SALL4: variants seen among roughly 807,000 people sequenced by gnomAD.
SALL4 encodes the protein sal-like protein 4.
A neutral mutation model predicts 60.8 loss-of-function variants in SALL4; 4 were observed. The observed-to-expected ratio is 0.07, with a 90% CI of 0.03 to 0.15. The LOEUF is 0.15. SALL4 is among the 10% of genes least tolerant of loss of function. The probability of loss-of-function intolerance (pLI) is 1.00; values close to 1 mark genes in which losing one functional copy is unlikely to be tolerated. For missense variants in SALL4, 1,178 were observed against 1,394.7 expected (o/e 0.84, Z 2.48); for synonymous variants, 580 against 574.9 (o/e 1.01, Z -0.13).
At chr20:51,802,072 A>G (rs1051786407) in intron 1 of SALL4, among the ~76,000 whole-genome samples, 1 of 151,308 alleles carries the variant, frequency 6.6e-6, no homozygotes, top group African/African-American at 2.4e-5. Flanking sequence ...CTTACACAAG[A>G]GGGGAGAAGA....
chr20:51,789,959 C>T, intron 2 of SALL4, 63 bp downstream of exon 2: 1 of 1,601,842 alleles, frequency 6.2e-7, no homozygotes, highest in East Asian at 2.2e-5. Flanking sequence ...AAGTTCAACC[C>T]AGGCTCCTTT....
intron 3 of SALL4, among the ~76,000 whole-genome samples, chr20:51,785,871 T>A (rs1391968420): frequency 1.3e-5 from 2 of 152,030 alleles, no homozygotes; most frequent in Non-Finnish European, 2.9e-5. Context: ...CTTGATCTCG[T>A]GACCTCGTGG....
intron 1 of SALL4, among the ~76,000 whole-genome samples, chr20:51,799,583 T>G (rs1398059769): frequency 6.6e-6 from 1 of 152,220 alleles, no homozygotes; most frequent in Non-Finnish European, 1.5e-5. Flanking sequence ...TCTCTCCCTA[T>G]GGGAAACCCA....
rs974730116 is a variant in SALL4 at position 51,801,054 on chromosome 20, C to A, written c.130+1225G>T. Among the ~76,000 whole-genome samples, 7 of 151,962 alleles carry A rather than the reference C, an allele frequency of 4.6e-5. No homozygotes were observed. Among genetic ancestry groups the A allele is most frequent in the Non-Finnish European group, 8.8e-5 (6 of 67,974 alleles). On this transcript the variant is annotated intron_variant, in intron 1 of 3. Transcript: ENST00000217086. The surrounding 1 kb of genome is among the most constrained non-coding windows in gnomAD (Gnocchi z 5.2). Reference sequence around the variant, plus strand: ...GGTTGCCGCGCACACCCGTCTGCTGCAGGGAAATTAGAAAGCAGGCGGGGA... The same window carrying A: ...GGTTGCCGCGCACACCCGTCTGCTGAAGGGAAATTAGAAAGCAGGCGGGGA...
intron 3 of SALL4, among the ~76,000 whole-genome samples, chr20:51,785,713 G>A (rs542943754): frequency 1.3e-5 from 2 of 151,400 alleles, no homozygotes; most frequent in Non-Finnish European, 2.9e-5. Context: ...GCGCAATCTC[G>A]GCTCGCTGCA....
intron 1 of SALL4, among the ~76,000 whole-genome samples, chr20:51,794,585 GA>G (rs1281125339): frequency 6.6e-6 from 1 of 152,044 alleles, no homozygotes; most frequent in Non-Finnish European, 1.5e-5. Flanking sequence ...AAAAAATAAA[GA>G]TGTGAAAAAC....
intron 1 of SALL4, among the ~76,000 whole-genome samples, chr20:51,800,200 G>A (rs2078101207): frequency 6.6e-6 from 1 of 152,088 alleles, no homozygotes; most frequent in Admixed American, 6.6e-5. Context: ...GAATCCCCTA[G>A]GGTACCCATC....
Position 51,801,771 on chromosome 20 carries a change from A to C in SALL4, c.130+508T>G, listed in dbSNP as rs887508862. ...CACTTGGCCCGGGAGGGGCGCGTGC[A>C]ACAGATCGTCCTCCTCCGGGGGGTC... On this transcript the variant is annotated intron_variant, in intron 1 of 3. Coordinates refer to ENST00000217086, the MANE Select transcript of SALL4 (RefSeq NM_020436.5). This position sits in a 1 kb window ranked among gnomAD's most constrained non-coding sequence, Gnocchi z 5.2. Among the ~76,000 whole-genome samples the C allele has an allele frequency of 6.6e-6, 1 of 151,900 alleles. No individual in the cohort carries two copies. The highest frequency in any genetic ancestry group is 2.4e-5 in the African/African-American group (1 of 41,362).
intron 1 of SALL4, among the ~76,000 whole-genome samples, chr20:51,799,613 A>G (rs2078098286): frequency 6.6e-6 from 1 of 152,234 alleles, no homozygotes; most frequent in African/African-American, 2.4e-5. Context: ...TAACGTAGAA[A>G]GTTGACCTGA....
At chr20:51,784,996 C>A (rs2077981730) in intron 3 of SALL4, among the ~76,000 whole-genome samples, 1 of 152,166 alleles carries the variant, frequency 6.6e-6, no homozygotes, top group African/African-American at 2.4e-5. Context: ...TTATTTTATA[C>A]ATGAGCACTG....
intron 1 of SALL4, among the ~76,000 whole-genome samples, chr20:51,797,979 A>C (rs993980005): frequency 1.4e-4 from 21 of 152,172 alleles, no homozygotes; most frequent in African/African-American, 4.6e-4. Flanking sequence ...AAAGAACGAC[A>C]ATGAGTAGAT....
chr20:51,792,937 C>T lies in SALL4; in HGVS notation c.131-585G>A, dbSNP rs935843224. 5 of 995,224 alleles carry T rather than the reference C, an allele frequency of 5.0e-6. No homozygotes were observed. In the African/African-American group the frequency reaches 8.7e-5, roughly 17 times the overall value. The allele number at this position is 995,224 out of a possible 1,614,324, so 61.6% of individuals were successfully genotyped here. A position where few individuals can be genotyped will look rare whatever the true frequency, so the allele number is the denominator to read the frequency against. ...AAGATATCAATGGAGCTTGGGGCCACAGGACAAAGACAGGCATATCTCAGA... is the reference window on the plus strand; with the variant it reads ...AAGATATCAATGGAGCTTGGGGCCATAGGACAAAGACAGGCATATCTCAGA... On this transcript the variant is annotated intron_variant, in intron 1 of 3. Coordinates refer to ENST00000217086, the MANE Select transcript of SALL4 (RefSeq NM_020436.5).
In SALL4 at chr20:51,788,853, A is replaced by G. The variant is rs370967693; in HGVS notation, c.2742+8T>C. The G allele has an allele frequency of 3.1e-6, 5 of 1,613,978 alleles. No individual in the cohort carries two copies. The highest frequency in any genetic ancestry group is 4.2e-6 in the Non-Finnish European group (5 of 1,180,028). ...CCCCCATCCTGCTGAAAGCCCACAC[A>G]AACCCACCTTTAAGTTGCCTTTGGT... On this transcript the variant is annotated splice_region_variant and intron_variant, in intron 3 of 3. Transcript: ENST00000217086. The surrounding 1 kb of genome is among the most constrained non-coding windows in gnomAD (Gnocchi z 4.1).
chr20:51,802,425 C>A lies in SALL4; in HGVS notation c.-17G>T. 1 of 1,612,560 alleles carries A rather than the reference C, an allele frequency of 6.2e-7. No individual in the cohort carries two copies. The highest frequency in any genetic ancestry group is 8.5e-7 in the Non-Finnish European group (1 of 1,179,886). ...CCTCGACATGGTGCGAGCATCGGGG[C>A]GCCGGGAGAGCCGCAGTTATTTGCC... On this transcript the variant is annotated 5_prime_UTR_variant, in exon 1 of 4. Transcript: ENST00000217086.
Position 51,784,344 on chromosome 20 carries a change from T to C in SALL4, c.3083A>G (p.Glu1028Gly), listed in dbSNP as rs923343127. The C allele has an allele frequency of 6.2e-7, 1 of 1,614,182 alleles. No homozygotes were observed. Among genetic ancestry groups the C allele is most frequent in the Non-Finnish European group, 8.5e-7 (1 of 1,180,012 alleles). The change falls in exon 4 of 4, where the codon GAA becomes GGA. Residue 1028 changes from glutamate to glycine, a missense_variant. Coordinates refer to ENST00000217086, the MANE Select transcript of SALL4 (RefSeq NM_020436.5). ...AACGCCGTCAGTAGCACTTGGTTTT[T>C]CCACATCTGCACTGATACCCGACTG... The part of the protein sequence containing the change: ...GSQSGISADV[E>G]KPSATDGVPK...
At chr20:51,795,052 C>T (rs1056829221) in intron 1 of SALL4, among the ~76,000 whole-genome samples, 3 of 152,112 alleles carry the variant, frequency 2.0e-5, no homozygotes, top group Non-Finnish European at 4.4e-5. Context: ...AGATGCAGTG[C>T]GATGCTGCTA....
In SALL4 at chr20:51,792,246, C is replaced by T. The variant is rs777793157; in HGVS notation, c.237G>A (p.Ala79=). The change falls in exon 2 of 4, where the codon GCG becomes GCA. Residue 79 remains alanine (A), a synonymous_variant. Transcript: ENST00000217086. ...GGAACTCAGAGATGCTGAAGAACTC[C>T]GCACAGCATTTCTCACAGACGTGCG... ...EETHVCEKCC[A]EFFSISEFLE... 6.8e-6 allele frequency: 11 copies of T among 1,613,940 alleles called. No homozygotes were observed. The highest frequency in any genetic ancestry group is 1.6e-4 in the Middle Eastern group (1 of 6,062).
intron 1 of SALL4, among the ~76,000 whole-genome samples, chr20:51,795,258 T>A (rs755027878): frequency 9.9e-5 from 15 of 151,966 alleles, no homozygotes; most frequent in Non-Finnish European, 1.6e-4. Context: ...ATACAAAAAA[T>A]TAGCCGAGCA....
chr20:51,798,172 T>C (rs2078089711), intron 1 of SALL4, among the ~76,000 whole-genome samples: 1 of 152,210 alleles, frequency 6.6e-6, no homozygotes, highest in Non-Finnish European at 1.5e-5. Context: ...AGATAAGACT[T>C]TAAGTTTCCA....
Sources: gnomAD v4.1 joint callset for allele counts (sites outside exome capture counted in the v4.1 genomes callset) on GRCh38, gnomAD v4.1.1 for gene constraint, Gnocchi (gnomAD v3.1) non-coding constraint, MANE v1.5 for transcripts, NCBI Gene and HGNC (gene_info 2026-07-23, HGNC 2026-07-21) for gene names.